PLAT: variants seen among roughly 807,000 people sequenced by gnomAD.
PLAT encodes plasminogen activator, tissue type, also known as tissue-type plasminogen activator.
PLAT carries 48 observed loss-of-function variants against 74.9 expected under a neutral mutation model. The observed-to-expected ratio is 0.64, with a 90% CI of 0.51 to 0.82. PLAT has a LOEUF of 0.82. Ranked by LOEUF, PLAT falls within the 40% of genes least tolerant of loss-of-function variation. PLAT has a pLI of 0.00. For synonymous variants in PLAT, 307 were observed against 294.4 expected (o/e 1.04, Z -0.44); for missense variants, 673 against 736.2 (o/e 0.91, Z 0.99).
rs760787594 is a variant in PLAT, at chr8:42,187,445, C to T, written c.492G>A (p.Arg164=). 1.9e-6 allele frequency: 3 copies of T among 1,603,512 alleles called. No homozygotes were observed. The highest frequency in any genetic ancestry group is 1.7e-4 in the Middle Eastern group (1 of 6,056). ...SALAQKPYSG[R]RPDAIRLGLG... Reference sequence around the variant, plus strand: ...GGCCCAGCCTGATGGCGTCTGGCCTCCGCCCGCTGTAGGGCTTCTGGGCCA... The same window carrying T: ...GGCCCAGCCTGATGGCGTCTGGCCTTCGCCCGCTGTAGGGCTTCTGGGCCA... The change falls in exon 6 of 14, where the codon CGG becomes CGA. Residue 164 remains arginine (R), a synonymous_variant. Transcript: ENST00000220809.
chr8:42,182,883 A>G lies in PLAT; in HGVS notation c.639T>C (p.Ser213=), dbSNP rs1378415030. ...CSTPACSEGN[S]DCYFGNGSAY... ...CTGACCCATTCCCAAAGTAGCAGTC[A>G]CTGTTTCCTAGAAGAAAAGAATTCT... The change falls in exon 8 of 14, where the codon AGT becomes AGC. Residue 213 remains serine, a synonymous_variant. Transcript: ENST00000220809. 3 of 1,608,578 alleles carry G rather than the reference A, an allele frequency of 1.9e-6. No individual in the cohort carries two copies. In the Admixed American group the frequency reaches 5.1e-5, roughly 28 times the overall value.
Position 42,198,891 on chromosome 8 carries a change from C to G in PLAT, c.-26-5680G>C, listed in dbSNP as rs972897245. 3.9e-5 allele frequency among the ~76,000 whole-genome samples: 6 copies of G among 152,348 alleles called. No individual in the cohort carries two copies. In the East Asian group the frequency reaches 9.6e-4, roughly 24 times the overall value. On this transcript the variant is annotated intron_variant, in intron 1 of 13. Coordinates refer to ENST00000220809, the MANE Select transcript of PLAT (RefSeq NM_000930.5). ...TCCACTGCCACCCCCGCCACAACCACCATAGCCCAGATGAATGCCAACAAT... is the reference window on the plus strand; with the variant it reads ...TCCACTGCCACCCCCGCCACAACCAGCATAGCCCAGATGAATGCCAACAAT...
chr8:42,204,727 A>AC (rs1554499927), intron 1 of PLAT, among the ~76,000 whole-genome samples: 2 of 151,606 alleles, frequency 1.3e-5, no homozygotes, highest in East Asian at 3.9e-4. Flanking sequence ...AAAAAAAAAA[A>AC]AGAAAAGAAA....
At chr8:42,177,216 C>CA (rs1442105969) in intron 13 of PLAT, among the ~76,000 whole-genome samples, 2 of 152,260 alleles carry the variant, frequency 1.3e-5, no homozygotes, top group East Asian at 1.9e-4. Context: ...CTCAGCCTCT[C>CA]AAAGTGCTGG....
Position 42,189,137 on chromosome 8 carries a change from C to A in PLAT, c.116-66G>T, listed in dbSNP as rs1008398868. The A allele has an allele frequency of 3.2e-6, 5 of 1,557,054 alleles. No homozygotes were observed. In the African/African-American group the frequency reaches 4.1e-5, roughly 13 times the overall value. On this transcript the variant is annotated intron_variant, in intron 3 of 13. Coordinates refer to ENST00000220809, the MANE Select transcript of PLAT (RefSeq NM_000930.5). ...AAAATGAAATGCCTCACTACCCTTG[C>A]ACCTACTGAGAAAACTCCCTCACTT...
intron 6 of PLAT, chr8:42,186,472 T>TTATCCCAACTTTCCCGACC (rs1337888321): frequency 6.6e-6 from 1 of 152,130 alleles, no homozygotes; most frequent in East Asian, 1.9e-4. Context: ...TTGCTTCGAG[T>TTATCCCAACTTTCCCGACC]TATCCCAACT....
intron 6 of PLAT, 102 bp from the exon 7 acceptor site, chr8:42,185,274 C>CTT: frequency 1.5e-5 from 8 of 525,512 alleles, no homozygotes; most frequent in African/African-American, 4.0e-5. Flanking sequence ...ATGGGGGGTG[C>CTT]TTTTTTTTTT....
chr8:42,198,676 C>T (rs1377349105), intron 1 of PLAT, among the ~76,000 whole-genome samples: 4 of 152,206 alleles, frequency 2.6e-5, no homozygotes, highest in African/African-American at 9.7e-5. Context: ...AAGGGAAAGA[C>T]AAACGTAAAT....
rs141964626 is a variant in PLAT at position 42,193,129 on chromosome 8, G to A, written c.57C>T (p.Phe19=). The change falls in exon 2 of 14, where the codon TTC becomes TTT. Residue 19 remains phenylalanine, a synonymous_variant. Transcript: ENST00000220809. ...GCACACCAACCTGGCTGGGCGAAACGAAGACTGCTCCACACAGCAGCAGCA... is the reference window on the plus strand; with the variant it reads ...GCACACCAACCTGGCTGGGCGAAACAAAGACTGCTCCACACAGCAGCAGCA... ...CCVLLLCGAV[F]VSPSQEIHAR... 68 of 1,613,230 alleles carry A rather than the reference G, an allele frequency of 4.2e-5. No homozygotes were observed. The highest frequency in any genetic ancestry group is 8.0e-5 in the African/African-American group (6 of 74,898).
At position 42,179,849 on chromosome 8, in the gene PLAT, C is replaced by T. The variant is rs1587927794; in HGVS notation, c.1363+77G>A. The T allele has an allele frequency of 2.8e-6, 4 of 1,407,702 alleles. No homozygotes were observed. In the East Asian group the frequency reaches 7.5e-5, roughly 27 times the overall value. 87.2% of individuals were successfully genotyped at this position (1,407,702 alleles called of 1,614,324 possible). On this transcript the variant is annotated intron_variant, in intron 12 of 13. Transcript: ENST00000220809. ...GGGGCTGGAACTTCGGTCTCCTGAC[C>T]CCATTTTCCTCTGGTGGACCGCAGC...
At chr8:42,192,879 C>T (rs1048518978) in intron 2 of PLAT, among the ~76,000 whole-genome samples, 4 of 152,168 alleles carry the variant, frequency 2.6e-5, no homozygotes, top group African/African-American at 9.7e-5. Flanking sequence ...TCCGCTTACT[C>T]AGGTCAAAAT....
At position 42,175,832 on chromosome 8, in the gene PLAT, ATC is replaced by A; in HGVS notation, c.*159_*160del. 1.6e-6 allele frequency: 1 copy of A among 625,714 alleles called. No individual in the cohort carries two copies. The highest frequency in any genetic ancestry group is 2.3e-5 in the South Asian group (1 of 43,098). 38.8% of individuals were successfully genotyped at this position (625,714 alleles called of 1,614,324 possible). Reference sequence around the variant, plus strand: ...CCTGAAAACTTCCAAAATGGGAAGTATCTGGGAAAATGCACTCTTCCCTCTCC... The same window carrying A: ...CCTGAAAACTTCCAAAATGGGAAGTATGGGAAAATGCACTCTTCCCTCTCC... On this transcript the variant is annotated 3_prime_UTR_variant, in exon 14 of 14. Transcript: ENST00000220809.
chr8:42,188,755 C>G (rs1172906637), intron 4 of PLAT, among the ~76,000 whole-genome samples, 179 bp downstream of exon 4: 1 of 152,106 alleles, frequency 6.6e-6, no homozygotes, highest in Non-Finnish European at 1.5e-5. Flanking sequence ...CCTCAACCTC[C>G]CAAGTAGTTG....
intron 1 of PLAT, among the ~76,000 whole-genome samples, chr8:42,200,674 CAA>C (rs10667666): frequency 6.8e-5 from 7 of 103,114 alleles, no homozygotes; most frequent in Admixed American, 2.2e-4. Context: ...GATCCTGTCT[CAA>C]AAAAAAAAAA....
chr8:42,184,651 T>C (rs113360627), intron 7 of PLAT: 1,528 of 151,842 alleles, frequency 0.01, 26 homozygotes, highest in African/African-American at 0.035. Flanking sequence ...TAAGCCACTG[T>C]GCCTGGTCTT....
At chr8:42,194,241 A>AGAGAGAGAGTGTGTGTGTGTGT (rs1419569830) in intron 1 of PLAT, among the ~76,000 whole-genome samples, 25 of 52,574 alleles carry the variant, frequency 4.8e-4, no homozygotes, top group Admixed American at 1.8e-3. Flanking sequence ...AGAGAGAGAG[A>AGAGAGAGAGTGTGTGTGTGTGT]GTGTGTGTGT....
intron 5 of PLAT, 98 bp from the exon 6 acceptor site, chr8:42,187,670 T>G: frequency 8.2e-7 from 1 of 1,220,664 alleles, no homozygotes; most frequent in Non-Finnish European, 1.1e-6. Context: ...CCAGGCCTGA[T>G]GCAGGCTGGC....
intron 9 of PLAT, 55 bp from the exon 10 acceptor site, chr8:42,180,740 T>C: frequency 2.2e-6 from 3 of 1,351,398 alleles, no homozygotes; most frequent in Non-Finnish European, 3.0e-6. Context: ...TGCACGTGTG[T>C]AGGTAGAGTG....
At chr8:42,190,976 C>G (rs967004744) in intron 3 of PLAT, among the ~76,000 whole-genome samples, 1 of 152,206 alleles carries the variant, frequency 6.6e-6, no homozygotes, top group Non-Finnish European at 1.5e-5. Flanking sequence ...GGCCTGGCCT[C>G]GGCTGTGACT....
Sources: gnomAD v4.1 joint callset for allele counts (sites outside exome capture counted in the v4.1 genomes callset) on GRCh38, gnomAD v4.1.1 for gene constraint, MANE v1.5 for transcripts, NCBI Gene and HGNC (gene_info 2026-07-23, HGNC 2026-07-21) for gene names.